The following ZPLD1 variants were observed in gnomAD, a reference collection of about 807,000 sequenced individuals.
ZPLD1 encodes zona pellucida like domain containing 1, also known as zona pellucida-like domain-containing protein 1.
A neutral mutation model predicts 47.2 loss-of-function variants in ZPLD1; 34 were observed. The ratio of observed to expected loss-of-function variants is 0.72; its 90% CI spans 0.55 to 0.96. The LOEUF (loss-of-function observed/expected upper bound fraction) is 0.96. Ranked by LOEUF, ZPLD1 falls within the 40% of genes least tolerant of loss-of-function variation. ZPLD1 has a pLI of 0.00. For missense variants in ZPLD1, 512 were observed against 505.8 expected (o/e 1.01, Z -0.12); for synonymous variants, 176 against 186.2 (o/e 0.95, Z 0.45).
intron 8 of ZPLD1, among the ~76,000 whole-genome samples, chr3:102,423,595 A>T (rs1165492362): frequency 6.6e-6 from 1 of 152,144 alleles, no homozygotes; most frequent in African/African-American, 2.4e-5. Flanking sequence ...AATTTCCATT[A>T]AAAATTAAAA....
intron 3 of ZPLD1, among the ~76,000 whole-genome samples, chr3:102,444,698 T>A (rs1017768993): frequency 6.6e-6 from 1 of 152,168 alleles, no homozygotes; most frequent in Non-Finnish European, 1.5e-5. Context: ...GAGCCCAGGA[T>A]GTAAATTATT....
chr3:102,410,995 T>C (rs530877885), intron 7 of ZPLD1, among the ~76,000 whole-genome samples: 16 of 151,826 alleles, frequency 1.1e-4, no homozygotes, highest in Non-Finnish European at 1.6e-4. Flanking sequence ...AGGTTAAAAA[T>C]GTTTCAGGAA....
intron 3 of ZPLD1, among the ~76,000 whole-genome samples, chr3:102,441,897 A>C (rs957709659): frequency 6.6e-6 from 1 of 152,142 alleles, no homozygotes; most frequent in Non-Finnish European, 1.5e-5. Context: ...GTAACTTCTC[A>C]TATCTTTATG....
At chr3:102,431,642 C>T (rs1311157793), upstream of ZPLD1, among the ~76,000 whole-genome samples, 2 of 152,190 alleles carry the variant, frequency 1.3e-5, no homozygotes, top group African/African-American at 4.8e-5. Context: ...GGCATGATGG[C>T]TCATGCCTGT....
chr3:102,404,276 T>A (rs1210252551), intron 7 of ZPLD1, among the ~76,000 whole-genome samples: 1 of 151,964 alleles, frequency 6.6e-6, no homozygotes, highest in African/African-American at 2.4e-5. Context: ...TAAGAGGATA[T>A]ACATTACTGT....
chr3:102,410,637 A>G (rs1489054126), intron 7 of ZPLD1, among the ~76,000 whole-genome samples: 2 of 148,372 alleles, frequency 1.3e-5, no homozygotes, highest in Non-Finnish European at 3.0e-5. Flanking sequence ...GCAACCTAAC[A>G]TTGGTCTTTA....
intron 3 of ZPLD1, among the ~76,000 whole-genome samples, chr3:102,439,667 A>G (rs1382174008): frequency 2.0e-5 from 3 of 152,230 alleles, no homozygotes; most frequent in African/African-American, 7.2e-5. Flanking sequence ...TCAATTATCA[A>G]CATTTATAAA....
chr3:102,398,026 G>A (rs944302144), intron 7 of ZPLD1, among the ~76,000 whole-genome samples: 1 of 152,074 alleles, frequency 6.6e-6, no homozygotes, highest in Non-Finnish European at 1.5e-5. Context: ...TAAGATAAAT[G>A]TGTGTGTGAA....
intron 8 of ZPLD1, chr3:102,418,326 C>T (rs927764126): frequency 2.0e-5 from 3 of 152,000 alleles, no homozygotes; most frequent in African/African-American, 7.2e-5. Flanking sequence ...CAACCTCCCG[C>T]AAAACTCCTG....
intron 3 of ZPLD1, among the ~76,000 whole-genome samples, chr3:102,452,114 CGTGTGTGTGTGTGTGT>C (rs56086826): frequency 1.7e-3 from 238 of 141,780 alleles, no homozygotes; most frequent in Non-Finnish European, 2.1e-3. Flanking sequence ...ATATGAAGAC[CGTGTGTGTGTGTGTGT>C]GTGTGTGTGT....
intron 7 of ZPLD1, among the ~76,000 whole-genome samples, chr3:102,407,442 T>TATATATAC (rs1553708474): frequency 1.3e-3 from 124 of 95,396 alleles, no homozygotes; most frequent in Non-Finnish European, 2.0e-3. Context: ...TATATATATA[T>TATATATAC]ACACACATAT....
intron 7 of ZPLD1, among the ~76,000 whole-genome samples, chr3:102,407,443 A>G (rs1388604310): frequency 9.6e-6 from 1 of 104,394 alleles, no homozygotes; most frequent in Admixed American, 9.2e-5. Flanking sequence ...ATATATATAT[A>G]CACACATATG....
Position 102,464,268 on chromosome 3 carries a change from TA to T in ZPLD1, c.761+19del. 6.4e-7 allele frequency: 1 copy of T among 1,566,114 alleles called. No individual in the cohort carries two copies. Among genetic ancestry groups the T allele is most frequent in the Non-Finnish European group, 8.8e-7 (1 of 1,136,832 alleles). On this transcript the variant is annotated intron_variant, in intron 8 of 11. Coordinates refer to ENST00000466937, the MANE Select transcript of ZPLD1 (RefSeq NM_001329788.2). ...TTTCCTTAGGTAAGACTTAGCTGTC[TA>T]AGTATTATATTGATACCAATGACCC...
At chr3:102,403,635 C>T (rs1402943735) in intron 7 of ZPLD1, among the ~76,000 whole-genome samples, 1 of 151,954 alleles carries the variant, frequency 6.6e-6, no homozygotes, top group East Asian at 1.9e-4. Context: ...TAATCATACC[C>T]TTAGATTCCT....
intron 8 of ZPLD1, among the ~76,000 whole-genome samples, chr3:102,423,261 C>A (rs1203721034): frequency 6.6e-6 from 1 of 152,016 alleles, no homozygotes; most frequent in Non-Finnish European, 1.5e-5. Context: ...GATTCCAGCT[C>A]TGGAGTCATG....
chr3:102,397,028 G>A (rs573070985), intron 7 of ZPLD1, among the ~76,000 whole-genome samples: 40 of 152,096 alleles, frequency 2.6e-4, no homozygotes, highest in Non-Finnish European at 5.3e-4. Context: ...ATTAATTACA[G>A]GCACACAATA....
In ZPLD1 at chr3:102,479,197, A is replaced by G. The variant is rs1707803091; in HGVS notation, c.*1579A>G. On this transcript the variant is annotated 3_prime_UTR_variant, in exon 12 of 12. Transcript: ENST00000466937. The stretch of plus-strand genomic sequence containing the variant: ...CTCTGGATAATTTCTTTACAAAAAA[A>G]GTTTAAATCACATAAAAAGCCAATC... 6.6e-6 allele frequency: 1 copy of G among 152,190 alleles called. No individual in the cohort carries two copies. The highest frequency in any genetic ancestry group is 2.1e-4 in the South Asian group (1 of 4,824). The allele number at this position is 152,190 out of a possible 1,614,324, so 9.4% of individuals were successfully genotyped here. A position where few individuals can be genotyped will look rare whatever the true frequency, so the allele number is the denominator to read the frequency against.
At chr3:102,410,238 A>G (rs1706734833) in intron 7 of ZPLD1, among the ~76,000 whole-genome samples, 1 of 151,804 alleles carries the variant, frequency 6.6e-6, no homozygotes, top group South Asian at 2.1e-4. Flanking sequence ...CTAGGAGTTT[A>G]TGGATGCACT....
At chr3:102,458,868 T>A (rs1274650705) in intron 6 of ZPLD1, among the ~76,000 whole-genome samples, 1 of 151,872 alleles carries the variant, frequency 6.6e-6, no homozygotes, top group Non-Finnish European at 1.5e-5. Flanking sequence ...GGCGGGTGGA[T>A]CACGAGGTCA....
Sources: gnomAD v4.1 joint callset for allele counts (sites outside exome capture counted in the v4.1 genomes callset) on GRCh38, gnomAD v4.1.1 for gene constraint, MANE v1.5 for transcripts, NCBI Gene and HGNC (gene_info 2026-07-23, HGNC 2026-07-21) for gene names.